NEK10: variants seen among roughly 807,000 people sequenced by gnomAD.
NEK10 encodes serine/threonine-protein kinase Nek10.
A neutral mutation model predicts 159.8 loss-of-function variants in NEK10; 122 were observed. That is an observed-to-expected ratio of 0.76 (90% CI 0.66 to 0.89). The LOEUF (loss-of-function observed/expected upper bound fraction) is 0.89, where lower values mean the gene tolerates loss of function less well. NEK10 is among the 40% of genes least tolerant of loss of function. The pLI is 0.00. For missense variants in NEK10, 1,342 were observed against 1,323.1 expected (o/e 1.01, Z -0.22); for synonymous variants, 466 against 457.1 (o/e 1.02, Z -0.25).
In NEK10 at chr3:27,112,290, A is replaced by G. The variant is rs561496967; in HGVS notation, c.3300-970T>C. On this transcript the variant is annotated intron_variant, in intron 35 of 35. Transcript: ENST00000691995. ...TCTCTATTCTCTTCCTTAACTAAAT[A>G]TAAACCCTATAATTTAAACCAAAAA... is the stretch of plus-strand genomic sequence containing the variant. 2.0e-5 allele frequency among the ~76,000 whole-genome samples: 3 copies of G among 152,342 alleles called. No individual in the cohort carries two copies. In the South Asian group the frequency reaches 6.2e-4, roughly 32 times the overall value.
intron 9 of NEK10, 192 bp from the exon 10 acceptor site, chr3:27,309,197 C>T (rs1297125260): frequency 1.1e-5 from 4 of 363,758 alleles, no homozygotes; most frequent in Non-Finnish European, 2.0e-5. Context: ...CAATTAAGCA[C>T]AAACTATATA....
intron 23 of NEK10, among the ~76,000 whole-genome samples, chr3:27,235,243 A>G (rs1953780530): frequency 6.6e-6 from 1 of 152,206 alleles, no homozygotes; most frequent in African/African-American, 2.4e-5. Flanking sequence ...AGTAATTGCA[A>G]CAAAAGCAAA....
intron 28 of NEK10, among the ~76,000 whole-genome samples, chr3:27,172,333 CAAAAAAAA>C (rs57112652): frequency 3.2e-5 from 2 of 63,018 alleles, no homozygotes; most frequent in African/African-American, 6.1e-5. Flanking sequence ...GACCCCGTCT[CAAAAAAAA>C]AAAAAAAAAA....
At chr3:27,300,993 C>A (rs2043774298) in intron 13 of NEK10, among the ~76,000 whole-genome samples, 1 of 152,178 alleles carries the variant, frequency 6.6e-6, no homozygotes, top group Non-Finnish European at 1.5e-5. Context: ...CTCCTGCAGT[C>A]TGCTCTTTCC....
chr3:27,272,342 T>C (rs1188582230), intron 22 of NEK10, among the ~76,000 whole-genome samples: 1 of 152,156 alleles, frequency 6.6e-6, no homozygotes, highest in Non-Finnish European at 1.5e-5. Flanking sequence ...CTTCCCCATT[T>C]CCTGGGCTTG....
At chr3:27,247,009 G>A (rs1191349548) in intron 23 of NEK10, among the ~76,000 whole-genome samples, 1 of 152,090 alleles carries the variant, frequency 6.6e-6, no homozygotes, top group Non-Finnish European at 1.5e-5. Flanking sequence ...TGGTGGAGTC[G>A]TCAGGTTTTT....
chr3:27,313,279 AAAAG>A (rs576481091), intron 7 of NEK10, among the ~76,000 whole-genome samples: 169 of 152,122 alleles, frequency 1.1e-3, no homozygotes, highest in African/African-American at 3.8e-3. Context: ...AAAAAAAAGA[AAAAG>A]AAAGAAAAAG....
At chr3:27,340,837 T>C (rs762036429) in intron 5 of NEK10, among the ~76,000 whole-genome samples, 2 of 152,198 alleles carry the variant, frequency 1.3e-5, no homozygotes, top group Non-Finnish European at 2.9e-5. Context: ...CCAGCAATTC[T>C]GCTACTGGGT....
At chr3:27,199,807 A>G (rs1211461587) in intron 25 of NEK10, among the ~76,000 whole-genome samples, 1 of 152,232 alleles carries the variant, frequency 6.6e-6, no homozygotes, top group African/African-American at 2.4e-5. Context: ...TGTCTTTTGT[A>G]GGAACATGGC....
chr3:27,196,883 G>A (rs1439852227), intron 25 of NEK10, among the ~76,000 whole-genome samples: 1 of 152,114 alleles, frequency 6.6e-6, no homozygotes, highest in African/African-American at 2.4e-5. Flanking sequence ...ACAGAGATGA[G>A]CAGTTTAAAT....
Position 27,140,663 on chromosome 3 carries a change from A to G in NEK10, c.2970+819T>C, listed in dbSNP as rs560071778. Among the ~76,000 whole-genome samples the G allele has an allele frequency of 1.3e-3, 199 of 152,274 alleles. 1 individual carries two copies. The Middle Eastern group carries it at 0.027, about 21-fold the overall frequency. On this transcript the variant is annotated intron_variant, in intron 31 of 35. Coordinates refer to ENST00000691995, the MANE Select transcript of NEK10 (RefSeq NM_001394966.1). ...TTCAGTATCTGAATATTTAGTTGGA[A>G]TTGCCAAAACTGGCAGCTGACAGCA...
At chr3:27,303,343 C>T (rs1307054187) in intron 12 of NEK10, among the ~76,000 whole-genome samples, 2 of 152,124 alleles carry the variant, frequency 1.3e-5, no homozygotes, top group Non-Finnish European at 2.9e-5. Flanking sequence ...TTAACTATTA[C>T]AGAATTTCAT....
chr3:27,225,444 T>A (rs1336693151), intron 23 of NEK10, among the ~76,000 whole-genome samples: 3 of 152,248 alleles, frequency 2.0e-5, no homozygotes, highest in Non-Finnish European at 2.9e-5. Flanking sequence ...AACTGGAGAA[T>A]GTGCACATAA....
intron 23 of NEK10, among the ~76,000 whole-genome samples, chr3:27,225,623 C>T (rs747104166): frequency 5.3e-5 from 8 of 152,164 alleles, no homozygotes; most frequent in African/African-American, 7.2e-5. Context: ...GAAGGCCATA[C>T]GGGGAGGGAC....
chr3:27,316,800 G>A (rs2045227017), intron 6 of NEK10, among the ~76,000 whole-genome samples: 2 of 133,496 alleles, frequency 1.5e-5, no homozygotes, highest in African/African-American at 5.6e-5. Context: ...GAAAAAAAAA[G>A]AAAAGAGAGA....
intron 5 of NEK10, among the ~76,000 whole-genome samples, chr3:27,334,499 A>C (rs4973763): frequency 0.99 from 150,437 of 152,204 alleles, 74,346 homozygotes; most frequent in East Asian, 1. Flanking sequence ...GATAGGCATG[A>C]TATCCCACTG....
intron 29 of NEK10, among the ~76,000 whole-genome samples, chr3:27,167,979 G>C (rs532017943): frequency 6.6e-6 from 1 of 152,272 alleles, no homozygotes; most frequent in South Asian, 2.1e-4. Context: ...AGTTACGTTA[G>C]TTTTTCCGCA....
chr3:27,194,507 T>C (rs1054618307), intron 25 of NEK10: 2 of 152,218 alleles, frequency 1.3e-5, no homozygotes, highest in Non-Finnish European at 2.9e-5. Context: ...GCATAAAATC[T>C]GGTCCTAAAA....
chr3:27,331,586 G>A (rs1445104514), intron 5 of NEK10, among the ~76,000 whole-genome samples: 8 of 152,152 alleles, frequency 5.3e-5, no homozygotes, highest in Non-Finnish European at 7.4e-5. Context: ...GATGGAGTCT[G>A]GATAGTCAAT....
Sources: gnomAD v4.1 joint callset for allele counts (sites outside exome capture counted in the v4.1 genomes callset) on GRCh38, gnomAD v4.1.1 for gene constraint, MANE v1.5 for transcripts, NCBI Gene and HGNC (gene_info 2026-07-23, HGNC 2026-07-21) for gene names.